FCGR3A: variants seen among roughly 807,000 people sequenced by gnomAD.
FCGR3A encodes the protein low affinity immunoglobulin gamma Fc region receptor III-A.
In FCGR3A, 13 loss-of-function variants were observed where a neutral mutation model predicts 24.1. The ratio of observed to expected loss-of-function variants is 0.54; its 90% CI spans 0.35 to 0.86. FCGR3A has a LOEUF of 0.86. FCGR3A is among the 40% of genes least tolerant of loss of function. The pLI is 0.01. For synonymous variants in FCGR3A, 93 were observed against 112.2 expected, an observed-to-expected ratio of 0.83 and a Z score of 1.08; for missense variants, 235 against 298.0, an observed-to-expected ratio of 0.79 and a Z score of 1.56.
rs1346647729 is a variant in FCGR3A at position 161,543,240 on chromosome 1, C to T, written c.578-41G>A. ...GAGAGATGAAAAAAAATGACAGTCA[C>T]TAAGGCAGATATTTGGAACAAACAG... is the stretch of plus-strand genomic sequence containing the variant. On this transcript the variant is annotated intron_variant, in intron 4 of 4. Transcript: ENST00000443193. The T allele has an allele frequency of 6.3e-6, 10 of 1,594,744 alleles. No individual in the cohort carries two copies. In the South Asian group the frequency reaches 1.1e-4, roughly 18 times the overall value.
In FCGR3A at chr1:161,544,752, A is replaced by G. The variant is rs396991; in HGVS notation, c.526T>C (p.Phe176Leu). ...TCTGAAGACACATTTTTACTCCCAA[A>G]AAGCCCCCTGCAGAAGTAGGAGCCG... is the stretch of plus-strand genomic sequence containing the variant. Reference protein sequence around the residue: ...DSGSYFCRGLFGSKNVSSETV... With the variant: ...DSGSYFCRGLLGSKNVSSETV... The change falls in exon 4 of 5, where the codon TTT (phenylalanine) becomes CTT (leucine). Residue 176 changes from phenylalanine (F) to leucine (L), a missense_variant. Transcript: ENST00000443193. 4 of 1,606,650 alleles carry G rather than the reference A, an allele frequency of 2.5e-6. No homozygotes were observed. The highest frequency in any genetic ancestry group is 2.2e-5 in the East Asian group (1 of 44,784).
At position 161,543,014 on chromosome 1, in the gene FCGR3A, A is replaced by G. The variant is rs1677195026; in HGVS notation, c.763T>C (p.Ter255ArgextTer70). ...FKWRKDPQDK[*>R] ...TTATTACCCCCATGGGATGGGGGTCATTTGTCTTGAGGGTCCTTTCTCCAT... is the reference window on the plus strand; with the variant it reads ...TTATTACCCCCATGGGATGGGGGTCGTTTGTCTTGAGGGTCCTTTCTCCAT... The change falls in exon 5 of 5, where the codon TGA (stop) becomes CGA (arginine). Residue 255 changes from the stop codon to arginine (R), a stop_lost. Transcript: ENST00000443193. 1 of 1,609,452 alleles carries G rather than the reference A, an allele frequency of 6.2e-7. No individual in the cohort carries two copies. Among genetic ancestry groups the G allele is most frequent in the African/African-American group, 1.3e-5 (1 of 74,652 alleles).
intron 3 of FCGR3A, among the ~76,000 whole-genome samples, chr1:161,546,101 A>C (rs1335681650): frequency 6.6e-6 from 1 of 152,088 alleles, no homozygotes; most frequent in Non-Finnish European, 1.5e-5. Context: ...CTATAATTTA[A>C]AAAATCTACT....
At chr1:161,543,251 A>G (rs1572011625) in intron 4 of FCGR3A, 52 bp from the exon 5 acceptor site, 1 of 1,584,532 alleles carries the variant, frequency 6.3e-7, no homozygotes, top group Middle Eastern at 1.7e-4. Context: ...TAAGGCAGAT[A>G]TTTGGAACAA....
chr1:161,544,057 T>G (rs1336455244), intron 4 of FCGR3A, among the ~76,000 whole-genome samples: 1 of 152,304 alleles, frequency 6.6e-6, no homozygotes, highest in Non-Finnish European at 1.5e-5. Flanking sequence ...TTTTTGCACC[T>G]CGGTTACTTC....
chr1:161,549,889 T>C, upstream of FCGR3A: 1 of 1,602,088 alleles, frequency 6.2e-7, no homozygotes. Context: ...TCATCTGACT[T>C]CTCAGTCTGA....
rs1677214539 is a variant in FCGR3A at position 161,543,203 on chromosome 1, T to C, written c.578-4A>G. The stretch of plus-strand genomic sequence containing the variant: ...GAGATGGTTGACACTGCCAAACCTA[T>C]TAGGAGAAGTGGAGAGATGAAAAAA... On this transcript the variant is annotated splice_region_variant and splice_polypyrimidine_tract_variant and intron_variant, in intron 4 of 4. Coordinates refer to ENST00000443193, the MANE Select transcript of FCGR3A (RefSeq NM_000569.8). 1 of 1,611,302 alleles carries C rather than the reference T, an allele frequency of 6.2e-7. No homozygotes were observed. The highest frequency in any genetic ancestry group is 8.5e-7 in the Non-Finnish European group (1 of 1,178,796).
chr1:161,549,995 C>T (rs1677685210), upstream of FCGR3A: 1 of 816,978 alleles, frequency 1.2e-6, no homozygotes, highest in Non-Finnish European at 1.9e-6. Context: ...CCTCAAAGGT[C>T]TGTGGCTGAG....
chr1:161,544,062 T>A (rs1393326751), intron 4 of FCGR3A, among the ~76,000 whole-genome samples: 1 of 152,302 alleles, frequency 6.6e-6, no homozygotes, highest in Non-Finnish European at 1.5e-5. Flanking sequence ...GCACCTCGGT[T>A]ACTTCATCTG....
At chr1:161,549,897 T>G, upstream of FCGR3A, 1 of 1,594,350 alleles carries the variant, frequency 6.3e-7, no homozygotes, top group Non-Finnish European at 8.6e-7. Flanking sequence ...CTTCTCAGTC[T>G]GAAGTCTGGC....
chr1:161,545,064 A>C, intron 3 of FCGR3A, 106 bp from the exon 4 acceptor site: 1 of 1,460,700 alleles, frequency 6.8e-7, no homozygotes, highest in South Asian at 1.3e-5. Context: ...GGAAAGCCAG[A>C]TTGGGAGTCA....
At chr1:161,546,213 T>G (rs1386683092) in intron 3 of FCGR3A, among the ~76,000 whole-genome samples, 1 of 152,072 alleles carries the variant, frequency 6.6e-6, no homozygotes, top group Non-Finnish European at 1.5e-5. Context: ...TTAAGAGATA[T>G]CATTTATCAA....
At chr1:161,549,859 A>T (rs1677668759), upstream of FCGR3A, 1 of 1,611,536 alleles carries the variant, frequency 6.2e-7, no homozygotes, top group East Asian at 2.2e-5. Flanking sequence ...GTCACCCACC[A>T]ATTTCCTTTT....
rs1460271233 is a variant in FCGR3A, at chr1:161,542,385, G to A, written c.*627C>T. On this transcript the variant is annotated 3_prime_UTR_variant, in exon 5 of 5. Transcript: ENST00000443193. The stretch of plus-strand genomic sequence containing the variant: ...TTGGAGATGGTCCAGTTCTGATAGA[G>A]TCCCCTGGAAGACTCAATTCTACGT... 8.6e-5 allele frequency: 13 copies of A among 151,324 alleles called. No individual in the cohort carries two copies. Among genetic ancestry groups the A allele is most frequent in the Non-Finnish European group, 1.9e-4 (13 of 67,886 alleles). 9.4% of individuals were successfully genotyped at this position (151,324 alleles called of 1,614,324 possible).
rs1234084629 is a variant in FCGR3A at position 161,541,966 on chromosome 1, T to G, written c.*1046A>C. On this transcript the variant is annotated 3_prime_UTR_variant, in exon 5 of 5. Coordinates refer to ENST00000443193, the MANE Select transcript of FCGR3A (RefSeq NM_000569.8). ...TGACATGATGAAGGATTTGAAAGTT[T>G]CATAACTTAACTCAGCGAAGCTCAG... The G allele has an allele frequency of 1.3e-5, 2 of 152,250 alleles. No individual in the cohort carries two copies. Among genetic ancestry groups the G allele is most frequent in the Non-Finnish European group, 2.9e-5 (2 of 68,010 alleles). 9.4% of individuals were successfully genotyped at this position (152,250 alleles called of 1,614,324 possible).
rs1278293338 is a variant in FCGR3A at position 161,542,203 on chromosome 1, C to G, written c.*809G>C. 6.6e-6 allele frequency: 1 copy of G among 152,380 alleles called. No homozygotes were observed. Among genetic ancestry groups the G allele is most frequent in the Admixed American group, 6.6e-5 (1 of 15,258 alleles). 9.4% of individuals were successfully genotyped at this position (152,380 alleles called of 1,614,324 possible). Reference sequence around the variant, plus strand: ...TTCTTTCTTCTCAGGCTTTCTCATTCTGATGCTGAGATAGTTCTGTTCACT... The same window carrying G: ...TTCTTTCTTCTCAGGCTTTCTCATTGTGATGCTGAGATAGTTCTGTTCACT... On this transcript the variant is annotated 3_prime_UTR_variant, in exon 5 of 5. Transcript: ENST00000443193.
rs2102514411 is a variant in FCGR3A, at chr1:161,541,932, C to G, written c.*1080G>C. On this transcript the variant is annotated 3_prime_UTR_variant, in exon 5 of 5. Coordinates refer to ENST00000443193, the MANE Select transcript of FCGR3A (RefSeq NM_000569.8). Reference sequence around the variant, plus strand: ...ACAATTGTCTTCTCCATCCCCACCTCATTGGAACTGACATGATGAAGGATT... The same window carrying G: ...ACAATTGTCTTCTCCATCCCCACCTGATTGGAACTGACATGATGAAGGATT... 1 of 152,342 alleles carries G rather than the reference C, an allele frequency of 6.6e-6. No individual in the cohort carries two copies. Among genetic ancestry groups the G allele is most frequent in the Admixed American group, 6.5e-5 (1 of 15,288 alleles). The allele number at this position is 152,342 out of a possible 1,614,324, so 9.4% of individuals were successfully genotyped here.
rs1184494338 is a variant in FCGR3A, at chr1:161,542,325, T to C, written c.*687A>G. 6.7e-6 allele frequency: 1 copy of C among 150,198 alleles called. No homozygotes were observed. The highest frequency in any genetic ancestry group is 1.5e-5 in the Non-Finnish European group (1 of 67,524). 9.3% of individuals were successfully genotyped at this position (150,198 alleles called of 1,614,324 possible). On this transcript the variant is annotated 3_prime_UTR_variant, in exon 5 of 5. Transcript: ENST00000443193. Reference sequence around the variant, plus strand: ...CAGTCCCCTTCCTAGGACCATTTTCTACTCCTAGCATTAAGAGGACTCATC... The same window carrying C: ...CAGTCCCCTTCCTAGGACCATTTTCCACTCCTAGCATTAAGAGGACTCATC...
intron 4 of FCGR3A, 134 bp from the exon 5 acceptor site, chr1:161,543,333 G>A: frequency 9.5e-7 from 1 of 1,048,580 alleles, no homozygotes; most frequent in Admixed American, 2.5e-5. Context: ...GGGGAAGTCT[G>A]GGGGAAAGTA....
Sources: allele counts gnomAD v4.1 joint callset (sites outside exome capture counted in the v4.1 genomes callset), GRCh38; gene constraint gnomAD v4.1.1; transcripts MANE v1.5; gene names NCBI Gene and HGNC (gene_info 2026-07-23, HGNC 2026-07-21).